ODAD2: variants seen among roughly 807,000 people sequenced by gnomAD.
ODAD2 encodes outer dynein arm docking complex subunit 2.
ODAD2 carries 89 observed loss-of-function variants against 106.8 expected under a neutral mutation model. The observed-to-expected ratio is 0.83, with a 90% CI of 0.70 to 0.99. The LOEUF (loss-of-function observed/expected upper bound fraction) is 0.99, where lower values mean the gene tolerates loss of function less well. ODAD2 is among the 50% of genes least tolerant of loss of function. ODAD2 has a pLI of 0.00. For synonymous variants in ODAD2, 404 were observed against 436.2 expected (o/e 0.93, Z 0.92); for missense variants, 1,168 against 1,238.5 (o/e 0.94, Z 0.85).
chr10:27,980,506 C>T (rs1849477936), intron 7 of ODAD2, among the ~76,000 whole-genome samples: 2 of 151,920 alleles, frequency 1.3e-5, no homozygotes, highest in African/African-American at 4.8e-5. Context: ...AAAATATAAG[C>T]TAAGGACTCA....
intron 7 of ODAD2, among the ~76,000 whole-genome samples, chr10:27,974,197 T>G (rs1235995317): frequency 1.3e-5 from 2 of 152,212 alleles, no homozygotes; most frequent in Non-Finnish European, 2.9e-5. Flanking sequence ...GATGCACAGC[T>G]TGCAAATATA....
At chr10:27,949,661 T>C (rs1434340365) in intron 10 of ODAD2, among the ~76,000 whole-genome samples, 1 of 152,196 alleles carries the variant, frequency 6.6e-6, no homozygotes, top group African/African-American at 2.4e-5. Context: ...GAGTCTGGGC[T>C]GAGAATTTTC....
At chr10:27,821,817 AT>A (rs1466743748) in intron 19 of ODAD2, among the ~76,000 whole-genome samples, 1 of 152,148 alleles carries the variant, frequency 6.6e-6, no homozygotes, top group Admixed American at 6.5e-5. Context: ...ATGTTTTAAT[AT>A]TCTAAGGGGC....
intron 10 of ODAD2, among the ~76,000 whole-genome samples, chr10:27,947,618 C>T (rs1398185888): frequency 1.3e-5 from 2 of 152,076 alleles, no homozygotes; most frequent in Non-Finnish European, 2.9e-5. Context: ...TTAAAAGGAG[C>T]CAGAAACCTC....
At chr10:27,849,281 T>C (rs1442618883) in intron 19 of ODAD2, among the ~76,000 whole-genome samples, 1 of 151,992 alleles carries the variant, frequency 6.6e-6, no homozygotes, top group Non-Finnish European at 1.5e-5. Flanking sequence ...AAACCATCAT[T>C]CTCAGCAAAC....
At chr10:27,955,085 C>T (rs1406265930) in intron 10 of ODAD2, among the ~76,000 whole-genome samples, 1 of 152,208 alleles carries the variant, frequency 6.6e-6, no homozygotes, top group Non-Finnish European at 1.5e-5. Context: ...AACACATCTA[C>T]TAACTTAAAG....
intron 17 of ODAD2, among the ~76,000 whole-genome samples, chr10:27,884,194 C>T (rs1319351): frequency 0.011 from 1,713 of 152,010 alleles, 31 homozygotes; most frequent in African/African-American, 0.039. Context: ...AACAAGGGAA[C>T]CTCATTAAGC....
chr10:27,945,284 TC>T (rs1235350456), intron 10 of ODAD2, among the ~76,000 whole-genome samples: 1 of 152,132 alleles, frequency 6.6e-6, no homozygotes, highest in Non-Finnish European at 1.5e-5. Flanking sequence ...AAGAGATGGT[TC>T]CCCCAGTTCT....
chr10:27,837,059 T>C (rs1837948182), intron 19 of ODAD2, among the ~76,000 whole-genome samples: 1 of 152,056 alleles, frequency 6.6e-6, no homozygotes, highest in Non-Finnish European at 1.5e-5. Context: ...GGAGTGTAAC[T>C]GAAGACAAAT....
chr10:27,940,489 T>C (rs1477856656), intron 13 of ODAD2, 74 bp downstream of exon 13: 14 of 1,562,662 alleles, frequency 9.0e-6, no homozygotes, highest in Admixed American at 7.0e-5. Flanking sequence ...GCCATCATGA[T>C]AACCTTAGAA....
At chr10:27,851,479 T>G (rs992057299) in intron 19 of ODAD2, among the ~76,000 whole-genome samples, 2 of 151,814 alleles carry the variant, frequency 1.3e-5, no homozygotes, top group African/African-American at 2.4e-5. Context: ...AGACTCAACA[T>G]GTCAAGTAGA....
chr10:27,963,236 T>C (rs1353222370), intron 9 of ODAD2, among the ~76,000 whole-genome samples: 1 of 152,124 alleles, frequency 6.6e-6, no homozygotes, highest in Non-Finnish European at 1.5e-5. Context: ...CTCGAACTCT[T>C]GACCTCGTGA....
intron 16 of ODAD2, among the ~76,000 whole-genome samples, chr10:27,920,774 A>T (rs1269545007): frequency 6.6e-6 from 1 of 152,162 alleles, no homozygotes; most frequent in Non-Finnish European, 1.5e-5. Context: ...AGCCACAGAG[A>T]GATTAAATCT....
chr10:27,874,702 T>C (rs1302336069), intron 17 of ODAD2, among the ~76,000 whole-genome samples: 2 of 152,214 alleles, frequency 1.3e-5, no homozygotes, highest in South Asian at 2.1e-4. Flanking sequence ...TTTTGTCTTG[T>C]AGGGTTTCTG....
upstream of ODAD2, among the ~76,000 whole-genome samples, chr10:27,999,362 C>A (rs551801393): frequency 4.1e-4 from 62 of 152,076 alleles, no homozygotes; most frequent in Non-Finnish European, 7.8e-4. Flanking sequence ...CAGACAAGTG[C>A]GTTGTATGTA....
At chr10:27,966,349 G>C (rs1848487464) in intron 9 of ODAD2, among the ~76,000 whole-genome samples, 1 of 152,260 alleles carries the variant, frequency 6.6e-6, no homozygotes, top group South Asian at 2.1e-4. Flanking sequence ...TAAGTTCTTT[G>C]AGGAAAGCCT....
At chr10:27,882,331 T>G (rs1841805006) in intron 17 of ODAD2, among the ~76,000 whole-genome samples, 1 of 152,176 alleles carries the variant, frequency 6.6e-6, no homozygotes, top group Non-Finnish European at 1.5e-5. Context: ...TTTATTTTAA[T>G]GTGTAGCCAG....
chr10:27,961,658 T>C lies in ODAD2; in HGVS notation c.1296A>G (p.Glu432=). The change falls in exon 10 of 20, where the codon GAA becomes GAG. Residue 432 remains glutamate (E), a synonymous_variant. Transcript: ENST00000305242. ...TVSDSSSESE[E]DEEPPDHRQE... ...GACGATGGTCAGGTGGTTCTTCATC[T>C]TCCTCACTTTCTGAGGAGCTATCGC... The C allele has an allele frequency of 6.2e-7, 1 of 1,607,308 alleles. No homozygotes were observed.
chr10:27,906,920 G>A (rs923584342), intron 17 of ODAD2, among the ~76,000 whole-genome samples: 3 of 152,070 alleles, frequency 2.0e-5, no homozygotes, highest in Non-Finnish European at 4.4e-5. Flanking sequence ...GTAGATGACG[G>A]GTTGATGGGT....
Sources: allele counts gnomAD v4.1 joint callset (sites outside exome capture counted in the v4.1 genomes callset), GRCh38; gene constraint gnomAD v4.1.1; transcripts MANE v1.5; gene names NCBI Gene and HGNC (gene_info 2026-07-23, HGNC 2026-07-21).